PDE4D: variants seen among roughly 807,000 people sequenced by gnomAD.
The protein encoded by PDE4D is 3',5'-cyclic-AMP phosphodiesterase 4D.
In PDE4D, 24 loss-of-function variants were observed where a neutral mutation model predicts 87.4. The observed-to-expected ratio is 0.27, with a 90% CI of 0.20 to 0.39. PDE4D has a LOEUF of 0.39. Ranked by LOEUF, PDE4D falls within the 10% of genes least tolerant of loss-of-function variation. PDE4D has a pLI of 1.00. For synonymous variants in PDE4D, 384 were observed against 383.2 expected (o/e 1.00, Z -0.02); for missense variants, 714 against 1,041.0 (o/e 0.69, Z 4.32).
intron 3 of PDE4D, among the ~76,000 whole-genome samples, chr5:59,983,926 C>T (rs1762163507): frequency 6.6e-6 from 1 of 152,084 alleles, no homozygotes; most frequent in Admixed American, 6.5e-5. Context: ...CATTCATAAT[C>T]CCCTCAAACT....
intron 1 of PDE4D, among the ~76,000 whole-genome samples, chr5:59,346,576 G>T (rs920328611): frequency 1.3e-5 from 2 of 151,808 alleles, no homozygotes; most frequent in Non-Finnish European, 2.9e-5. Flanking sequence ...TCTCCCTAAG[G>T]TTTATGTTGT....
chr5:60,452,399 G>A (rs956976421), intron 1 of PDE4D, among the ~76,000 whole-genome samples: 1 of 152,026 alleles, frequency 6.6e-6, no homozygotes, highest in East Asian at 1.9e-4. Context: ...AAATTAATCT[G>A]CAGGATATTA....
At chr5:60,136,689 C>T (rs1308523409) in intron 2 of PDE4D, among the ~76,000 whole-genome samples, 1 of 152,134 alleles carries the variant, frequency 6.6e-6, no homozygotes, top group African/African-American at 2.4e-5. Flanking sequence ...ACCCAATATC[C>T]ATTCTTTTCT....
chr5:60,204,151 CTA>C (rs1370740052), intron 1 of PDE4D, among the ~76,000 whole-genome samples: 2 of 152,256 alleles, frequency 1.3e-5, no homozygotes, highest in Admixed American at 1.3e-4. Context: ...TCACCTCTCA[CTA>C]TAGCCTGTGG....
At position 60,011,997 on chromosome 5, in the gene PDE4D, C is replaced by T. The variant is rs375875457; in HGVS notation, c.43-23280G>A. 4.6e-5 allele frequency among the ~76,000 whole-genome samples: 7 copies of T among 152,098 alleles called. No individual in the cohort carries two copies. In the South Asian group the frequency reaches 6.2e-4, roughly 14 times the overall value. On this transcript the variant is annotated intron_variant, in intron 2 of 16. Transcript: ENST00000502484. ...GCTACTGACCATGACAGCCACTAAC[C>T]GAGACATCACTATCACAGTGGTGCA...
chr5:60,123,102 T>C (rs553391055), intron 2 of PDE4D, among the ~76,000 whole-genome samples: 40 of 152,306 alleles, frequency 2.6e-4, no homozygotes, highest in Non-Finnish European at 5.0e-4. Flanking sequence ...TTATTGTCCA[T>C]ATTGCTAGCA....
intron 1 of PDE4D, among the ~76,000 whole-genome samples, chr5:59,872,589 T>C (rs538476993): frequency 1.6e-4 from 25 of 152,324 alleles, no homozygotes; most frequent in African/African-American, 5.5e-4. Context: ...AATGGTTCAA[T>C]TGAACTTAGT....
chr5:59,291,742 T>G (rs57801368), intron 1 of PDE4D, among the ~76,000 whole-genome samples: 52 of 136,154 alleles, frequency 3.8e-4, no homozygotes, highest in South Asian at 1.5e-3. Flanking sequence ...AAAGAAGTTT[T>G]TTTTTTTTTT....
rs577143523 is a variant in PDE4D, at chr5:59,145,977, A to G, written c.808+34618T>C. ...CCCTGTCCCTACTAAAAATACAAAAATTAGCTGGGCGTGATGACATACGCC... is the reference window on the plus strand; with the variant it reads ...CCCTGTCCCTACTAAAAATACAAAAGTTAGCTGGGCGTGATGACATACGCC... On this transcript the variant is annotated intron_variant, in intron 5 of 14. Transcript: ENST00000340635. 5.9e-5 allele frequency among the ~76,000 whole-genome samples: 9 copies of G among 152,176 alleles called. No individual in the cohort carries two copies. The East Asian group carries it at 1.7e-3, about 29-fold the overall frequency.
intron 1 of PDE4D, among the ~76,000 whole-genome samples, chr5:59,328,799 C>A (rs1776181244): frequency 6.6e-6 from 1 of 152,170 alleles, no homozygotes; most frequent in South Asian, 2.1e-4. Context: ...TTGCTTTCAC[C>A]CTCACAAATC....
At chr5:59,265,653 T>C (rs1168912387) in intron 1 of PDE4D, among the ~76,000 whole-genome samples, 1 of 152,046 alleles carries the variant, frequency 6.6e-6, no homozygotes, top group South Asian at 2.1e-4. Context: ...TATTAACATA[T>C]ACATCATTGC....
intron 1 of PDE4D, among the ~76,000 whole-genome samples, chr5:59,381,618 C>T (rs894866918): frequency 3.9e-5 from 6 of 152,166 alleles, no homozygotes; most frequent in South Asian, 4.2e-4. Flanking sequence ...ATAATAAAGC[C>T]GTGGTCCTAT....
chr5:59,107,461 A>G (rs1326526311), intron 5 of PDE4D, among the ~76,000 whole-genome samples: 1 of 152,148 alleles, frequency 6.6e-6, no homozygotes, highest in East Asian at 1.9e-4. Flanking sequence ...TGCCTGTCTC[A>G]GCCTCCCAAA....
intron 1 of PDE4D, among the ~76,000 whole-genome samples, chr5:59,389,591 C>T (rs1787829595): frequency 6.6e-6 from 1 of 151,992 alleles, no homozygotes; most frequent in African/African-American, 2.4e-5. Flanking sequence ...GCAATCCCAC[C>T]ACTAGGAATT....
At chr5:59,166,172 G>A (rs939352237) in intron 5 of PDE4D, 5 of 152,154 alleles carry the variant, frequency 3.3e-5, no homozygotes, top group African/African-American at 7.2e-5. Context: ...GAGGTGATAA[G>A]CCAGCCAAGG....
intron 1 of PDE4D, among the ~76,000 whole-genome samples, chr5:59,222,661 G>A (rs1474543361): frequency 6.6e-6 from 1 of 152,182 alleles, no homozygotes; most frequent in Non-Finnish European, 1.5e-5. Context: ...AAGAACAATG[G>A]CACATAGAAA....
In PDE4D at chr5:60,459,521, C is replaced by T. The variant is rs191645102; in HGVS notation, c.-90+28421G>A. The stretch of plus-strand genomic sequence containing the variant: ...AGAAAGGAGGGAAAAAGCTAGAATT[C>T]TATGCACTACTACACAGGGGCCTAG... On this transcript the variant is annotated intron_variant, in intron 1 of 16. Transcript: ENST00000502484. 3.3e-5 allele frequency among the ~76,000 whole-genome samples: 5 copies of T among 152,206 alleles called. No homozygotes were observed. In the East Asian group the frequency reaches 9.7e-4, roughly 29 times the overall value.
intron 1 of PDE4D, among the ~76,000 whole-genome samples, chr5:59,824,658 T>C (rs561871413): frequency 6.6e-6 from 1 of 152,234 alleles, no homozygotes; most frequent in Non-Finnish European, 1.5e-5. Context: ...TATTTAATAA[T>C]GTAAGTATGA....
At chr5:59,703,142 A>C (rs1240782278) in intron 1 of PDE4D, among the ~76,000 whole-genome samples, 1 of 152,160 alleles carries the variant, frequency 6.6e-6, no homozygotes, top group Non-Finnish European at 1.5e-5. Context: ...TATCAAGAGT[A>C]ATAAAGTTAT....
Sources: gnomAD v4.1 joint callset for allele counts (sites outside exome capture counted in the v4.1 genomes callset) on GRCh38, gnomAD v4.1.1 for gene constraint, MANE v1.5 for transcripts, NCBI Gene and HGNC (gene_info 2026-07-23, HGNC 2026-07-21) for gene names.